The following MCTS1 variants were observed in gnomAD, a reference collection of about 807,000 sequenced individuals.
MCTS1 encodes MCTS1 re-initiation and release factor.
For synonymous variants in MCTS1, 26 were observed against 40.8 expected (o/e 0.64, Z 1.38); for missense variants, 55 against 128.6 (o/e 0.43, Z 2.77).
rs200695227 is a variant in MCTS1 at position 120,616,151 on chromosome X, CTTTG to C, written c.*3893_*3896del. 4.8e-4 allele frequency among the ~76,000 whole-genome samples: 54 copies of C among 112,152 alleles called. No homozygotes were observed. In the East Asian group the frequency reaches 0.01, roughly 22 times the overall value. ...AAGCAAAATGTCATAAATATTTTAACTTTGTTTGTCTAGGTTCCTTAATTTTGAG... is the reference window on the plus strand; with the variant it reads ...AAGCAAAATGTCATAAATATTTTAACTTTGTCTAGGTTCCTTAATTTTGAG... On this transcript the variant is annotated 3_prime_UTR_variant, in exon 6 of 6. Coordinates refer to ENST00000371317, the MANE Select transcript of MCTS1 (RefSeq NM_014060.3).
rs1425846985 is a variant in MCTS1, at chrX:120,615,376, T to C, written c.*3112T>C. Among the ~76,000 whole-genome samples, 1 of 111,546 alleles carries C rather than the reference T, an allele frequency of 9.0e-6. No individual in the cohort carries two copies. The highest frequency in any genetic ancestry group is 3.3e-5 in the African/African-American group (1 of 30,692). ...CTCAGACAAGGTCAGTTCAGCTCAA[T>C]AGGTATTTATTGAGTATCTACTAGG... On this transcript the variant is annotated 3_prime_UTR_variant, in exon 6 of 6. Coordinates refer to ENST00000371317, the MANE Select transcript of MCTS1 (RefSeq NM_014060.3).
At chrX:120,610,195 G>T (rs773158864) in intron 4 of MCTS1, among the ~76,000 whole-genome samples, 1 of 110,734 alleles carries the variant, frequency 9.0e-6, no homozygotes, top group Non-Finnish European at 1.9e-5. Context: ...GGTGGCATGC[G>T]CCTGTAATCC....
rs180812525 is a variant in MCTS1, at chrX:120,609,952, A to G, written c.397-1059A>G. ...CAAGACCACTCTGGTTTTTCTAGAA[A>G]GGTTGAAACTGTTATATCAGGCTCT... On this transcript the variant is annotated intron_variant, in intron 4 of 5. Transcript: ENST00000371317. 8.3e-3 allele frequency among the ~76,000 whole-genome samples: 930 copies of G among 111,938 alleles called. 16 individuals are homozygous for G. Among genetic ancestry groups the G allele is most frequent in the African/African-American group, 0.029 (897 of 30,790 alleles).
rs907596217 is a variant in MCTS1, at chrX:120,620,569, G to A, written c.*8305G>A. The A allele has an allele frequency of 9.1e-6, 1 of 109,584 alleles. No individual in the cohort carries two copies. Among genetic ancestry groups the A allele is most frequent in the African/African-American group, 3.3e-5 (1 of 30,049 alleles). The allele number at this position is 109,584 out of a possible 1,213,427, so 9.0% of individuals were successfully genotyped here. Reference sequence around the variant, plus strand: ...GATTTGCTTGAACCTGGGAGGCGGAGGTTGCAGTGAGCCGAGATTGTGCCA... The same window carrying A: ...GATTTGCTTGAACCTGGGAGGCGGAAGTTGCAGTGAGCCGAGATTGTGCCA... On this transcript the variant is annotated 3_prime_UTR_variant, in exon 6 of 6. Transcript: ENST00000371317.
rs1926722250 is a variant in MCTS1, at chrX:120,612,683, G to GTGTGTA, written c.*422_*423insGTATGT. On this transcript the variant is annotated 3_prime_UTR_variant, in exon 6 of 6. Transcript: ENST00000371317. Reference sequence around the variant, plus strand: ...CTCGTGTGTGTGTGTGTGTGTGTGTGTGTATGTGTGTGTGTGTGTGTGTGT... The same window carrying GTGTGTA: ...CTCGTGTGTGTGTGTGTGTGTGTGTGTGTGTATGTATGTGTGTGTGTGTGTGTGTGT... 3.2e-5 allele frequency among the ~76,000 whole-genome samples: 1 copy of GTGTGTA among 31,460 alleles called. No individual in the cohort carries two copies. Among genetic ancestry groups the GTGTGTA allele is most frequent in the Non-Finnish European group, 5.7e-5 (1 of 17,557 alleles). The allele number at this position is 31,460 out of a possible 115,157, so 27.3% of individuals were successfully genotyped here.
At chrX:120,608,390 T>A (rs1926595554) in intron 4 of MCTS1, 32 bp downstream of exon 4, 2 of 1,146,388 alleles carry the variant, frequency 1.7e-6, no homozygotes. Context: ...TGCTGAAAAA[T>A]GTATTCATTG....
At position 120,612,660 on chromosome X, in the gene MCTS1, C is replaced by CGTGTGTGTGTGTGTGT. The variant is rs10563395; in HGVS notation, c.*407_*422dup. 1.5e-4 allele frequency among the ~76,000 whole-genome samples: 15 copies of CGTGTGTGTGTGTGTGT among 97,408 alleles called. No individual in the cohort carries two copies. The highest frequency in any genetic ancestry group is 5.1e-4 in the African/African-American group (13 of 25,709). The allele number at this position is 97,408 out of a possible 115,157, so 84.6% of individuals were successfully genotyped here. A position where few individuals can be genotyped will look rare whatever the true frequency, so the allele number is the denominator to read the frequency against. On this transcript the variant is annotated 3_prime_UTR_variant, in exon 6 of 6. Coordinates refer to ENST00000371317, the MANE Select transcript of MCTS1 (RefSeq NM_014060.3). ...CAGGGGACCCAGCAGTGCTCATTCT[C>CGTGTGTGTGTGTGTGT]GTGTGTGTGTGTGTGTGTGTGTGTG...
intron 2 of MCTS1, 79 bp from the exon 3 acceptor site, chrX:120,606,000 C>T: frequency 1.9e-6 from 1 of 523,159 alleles, no homozygotes; most frequent in Non-Finnish European, 2.9e-6. Flanking sequence ...GAAAGTTTAT[C>T]ACTGTATATG....
In MCTS1 at chrX:120,604,380, G is replaced by T. The variant is rs921265671; in HGVS notation, c.11+133G>T. ...TCCTGACTCCCTAAGGTTTTCTATAGTACTATGCTCTCACTCCCAACTTGA... is the reference window on the plus strand; with the variant it reads ...TCCTGACTCCCTAAGGTTTTCTATATTACTATGCTCTCACTCCCAACTTGA... On this transcript the variant is annotated intron_variant, in intron 1 of 5. Coordinates refer to ENST00000371317, the MANE Select transcript of MCTS1 (RefSeq NM_014060.3). 26 of 850,545 alleles carry T rather than the reference G, an allele frequency of 3.1e-5. No individual in the cohort carries two copies. In the Admixed American group the frequency reaches 8.4e-4, roughly 27 times the overall value. The allele number at this position is 850,545 out of a possible 1,213,427, so 70.1% of individuals were successfully genotyped here. A position where few individuals can be genotyped will look rare whatever the true frequency, so the allele number is the denominator to read the frequency against.
At chrX:120,604,927 A>G in intron 1 of MCTS1, 2 of 1,087,282 alleles carry the variant, frequency 1.8e-6, no homozygotes, top group Non-Finnish European at 2.4e-6. Flanking sequence ...AATCATTATT[A>G]TCATCACTTA....
In MCTS1 at chrX:120,604,706, G is replaced by C. The variant is rs1028275498; in HGVS notation, c.11+459G>C. The C allele has an allele frequency of 1.3e-5, 14 of 1,039,764 alleles. No homozygotes were observed. In the Middle Eastern group the frequency reaches 1.1e-3, roughly 79 times the overall value. The allele number at this position is 1,039,764 out of a possible 1,213,427, so 85.7% of individuals were successfully genotyped here. ...TGACAGGAAGCAAGCGGCCTGTCAT[G>C]CCTATTGCCTAGCTGCCAGATTAAC... On this transcript the variant is annotated intron_variant, in intron 1 of 5. Coordinates refer to ENST00000371317, the MANE Select transcript of MCTS1 (RefSeq NM_014060.3).
rs745808955 is a variant in MCTS1, at chrX:120,614,052, T to G, written c.*1788T>G. On this transcript the variant is annotated 3_prime_UTR_variant, in exon 6 of 6. Coordinates refer to ENST00000371317, the MANE Select transcript of MCTS1 (RefSeq NM_014060.3). ...TGGTGACCTGTGTTACAGTTAGAAG[T>G]TGGTGAGAAAGGTGAGGGTGGATAG... 2.7e-5 allele frequency among the ~76,000 whole-genome samples: 3 copies of G among 112,180 alleles called. No homozygotes were observed. In the East Asian group the frequency reaches 8.4e-4, roughly 31 times the overall value.
chrX:120,609,013 T>C (rs1008204693), intron 4 of MCTS1, among the ~76,000 whole-genome samples: 5 of 111,979 alleles, frequency 4.5e-5, no homozygotes, highest in Admixed American at 9.5e-5. Flanking sequence ...CTGCATTATT[T>C]CCATTTCTAC....
In MCTS1 at chrX:120,619,272, T is replaced by C. The variant is rs12556160; in HGVS notation, c.*7008T>C. On this transcript the variant is annotated 3_prime_UTR_variant, in exon 6 of 6. Transcript: ENST00000371317. ...ACATCAATATTTTAACATTTTACCATCAAGATATTTAATACAAAGGATTGA... is the reference window on the plus strand; with the variant it reads ...ACATCAATATTTTAACATTTTACCACCAAGATATTTAATACAAAGGATTGA... 0.16 allele frequency among the ~76,000 whole-genome samples: 17,480 copies of C among 110,585 alleles called. 1,289 individuals are homozygous for C. The highest frequency in any genetic ancestry group is 0.26 in the South Asian group (669 of 2,576).
chrX:120,609,473 A>G (rs1052044701), intron 4 of MCTS1, among the ~76,000 whole-genome samples: 10 of 111,327 alleles, frequency 9.0e-5, no homozygotes, highest in Non-Finnish European at 1.3e-4. Flanking sequence ...GTGAGCCACC[A>G]CACCTGGCCA....
chrX:120,620,423 C>T lies in MCTS1; in HGVS notation c.*8159C>T, dbSNP rs1445287147. On this transcript the variant is annotated 3_prime_UTR_variant, in exon 6 of 6. Coordinates refer to ENST00000371317, the MANE Select transcript of MCTS1 (RefSeq NM_014060.3). Reference sequence around the variant, plus strand: ...ATGAGGTCAGAAGATTGAGACCACCCTGGCCAACATGGTGAAATCCTGTCT... The same window carrying T: ...ATGAGGTCAGAAGATTGAGACCACCTTGGCCAACATGGTGAAATCCTGTCT... 22 of 94,663 alleles carry T rather than the reference C, an allele frequency of 2.3e-4. No homozygotes were observed. Among genetic ancestry groups the T allele is most frequent in the Non-Finnish European group, 3.7e-4 (18 of 48,563 alleles). 7.8% of individuals were successfully genotyped at this position (94,663 alleles called of 1,213,427 possible). A position where few individuals can be genotyped will look rare whatever the true frequency, so the allele number is the denominator to read the frequency against.
chrX:120,613,937 T>G lies in MCTS1; in HGVS notation c.*1673T>G, dbSNP rs1438937496. On this transcript the variant is annotated 3_prime_UTR_variant, in exon 6 of 6. Transcript: ENST00000371317. ...TTCTTCCTAATAACCTTGCTGTTAT[T>G]CTAGTGTCTTAGCCATCTTCATTTG... is the stretch of plus-strand genomic sequence containing the variant. Among the ~76,000 whole-genome samples, 1 of 112,837 alleles carries G rather than the reference T, an allele frequency of 8.9e-6. No homozygotes were observed. Among genetic ancestry groups the G allele is most frequent in the Non-Finnish European group, 1.9e-5 (1 of 53,410 alleles).
intron 1 of MCTS1, 61 bp from the exon 2 acceptor site, chrX:120,605,346 A>AGGTATTCTG: frequency 1.0e-6 from 1 of 993,569 alleles, no homozygotes; most frequent in Non-Finnish European, 1.4e-6. Context: ...CAGTACCTTT[A>AGGTATTCTG]GGTATTCTGA....
Position 120,604,126 on chromosome X carries a change from C to G in MCTS1, c.-111C>G. The G allele has an allele frequency of 1.0e-6, 1 of 968,999 alleles. No homozygotes were observed. Among genetic ancestry groups the G allele is most frequent in the Non-Finnish European group, 1.4e-6 (1 of 690,132 alleles). 79.9% of individuals were successfully genotyped at this position (968,999 alleles called of 1,213,427 possible). ...GTTTTCCGGATAACGACTACAGCTC[C>G]GACTGTCAGTGCCGGCCTTCCTCGT... On this transcript the variant is annotated 5_prime_UTR_variant, in exon 1 of 6. Coordinates refer to ENST00000371317, the MANE Select transcript of MCTS1 (RefSeq NM_014060.3).
Sources: gnomAD v4.1 joint callset for allele counts (sites outside exome capture counted in the v4.1 genomes callset) on GRCh38, gnomAD v4.1.1 for gene constraint, MANE v1.5 for transcripts, NCBI Gene and HGNC (gene_info 2026-07-23, HGNC 2026-07-21) for gene names.